Variants in NKAIN2 observed in about 807,000 individuals in gnomAD.
NKAIN2 encodes the protein sodium/potassium transporting ATPase interacting 2.
A neutral mutation model predicts 32.6 loss-of-function variants in NKAIN2; 14 were observed. The observed-to-expected ratio is 0.43, with a 90% CI of 0.28 to 0.67. The LOEUF is 0.67. Ranked by LOEUF, NKAIN2 falls within the 30% of genes least tolerant of loss-of-function variation. NKAIN2 has a pLI of 0.17. For missense variants in NKAIN2, 198 were observed against 258.3 expected (o/e 0.77, Z 1.60); for synonymous variants, 80 against 87.2 (o/e 0.92, Z 0.46).
chr6:123,858,739 A>G (rs971808008), intron 1 of NKAIN2, among the ~76,000 whole-genome samples: 3 of 152,186 alleles, frequency 2.0e-5, no homozygotes, highest in African/African-American at 7.2e-5. Flanking sequence ...AAATAAGTTC[A>G]GCACATTATT....
At chr6:124,360,647 A>G (rs945189960) in intron 3 of NKAIN2, among the ~76,000 whole-genome samples, 1 of 152,182 alleles carries the variant, frequency 6.6e-6, no homozygotes, top group East Asian at 1.9e-4. Flanking sequence ...ATGTTATATC[A>G]TAGTTAAATT....
intron 1 of NKAIN2, among the ~76,000 whole-genome samples, chr6:123,945,168 T>G (rs1277431407): frequency 6.6e-6 from 1 of 152,108 alleles, no homozygotes; most frequent in Non-Finnish European, 1.5e-5. Context: ...ATGACAGTAT[T>G]TTAAACCTAG....
rs2114891116 is a variant in NKAIN2, at chr6:124,824,056, T to G, written c.*827T>G. 6.6e-6 allele frequency: 1 copy of G among 152,294 alleles called. No individual in the cohort carries two copies. The highest frequency in any genetic ancestry group is 1.9e-4 in the East Asian group (1 of 5,184). The allele number at this position is 152,294 out of a possible 1,614,324, so 9.4% of individuals were successfully genotyped here. On this transcript the variant is annotated 3_prime_UTR_variant, in exon 7 of 7. Transcript: ENST00000368417. Reference sequence around the variant, plus strand: ...ATCTGTCATCTTTATAATTCTAAAATATGGTCTTCTGATGGGGTTGGGGGT... The same window carrying G: ...ATCTGTCATCTTTATAATTCTAAAAGATGGTCTTCTGATGGGGTTGGGGGT...
At chr6:124,182,597 A>C (rs1297281340) in intron 1 of NKAIN2, among the ~76,000 whole-genome samples, 1 of 152,216 alleles carries the variant, frequency 6.6e-6, no homozygotes, top group Non-Finnish European at 1.5e-5. Flanking sequence ...TTATTTGGGA[A>C]AATTCAATTC....
At chr6:124,206,531 T>A (rs989451194) in intron 1 of NKAIN2, among the ~76,000 whole-genome samples, 1 of 151,898 alleles carries the variant, frequency 6.6e-6, no homozygotes, top group Non-Finnish European at 1.5e-5. Context: ...AATTTGAAAA[T>A]GCATTTAAAT....
At chr6:124,040,289 C>A (rs1474367186) in intron 1 of NKAIN2, among the ~76,000 whole-genome samples, 3 of 151,548 alleles carry the variant, frequency 2.0e-5, no homozygotes, top group Non-Finnish European at 2.9e-5. Context: ...TCTTTATTCC[C>A]AGGTTTTATC....
intron 1 of NKAIN2, among the ~76,000 whole-genome samples, chr6:123,925,107 A>G (rs1323591615): frequency 6.6e-6 from 1 of 152,166 alleles, no homozygotes; most frequent in Non-Finnish European, 1.5e-5. Flanking sequence ...CCAAGTGGCC[A>G]TGGTTTCTAT....
chr6:124,750,594 T>C (rs1328803957), intron 4 of NKAIN2, among the ~76,000 whole-genome samples: 4 of 152,022 alleles, frequency 2.6e-5, no homozygotes, highest in South Asian at 2.1e-4. Context: ...ATAATACATA[T>C]GCTTCATTTA....
chr6:123,919,635 GTGTGTTATCTCC>G (rs1775657505), intron 1 of NKAIN2, among the ~76,000 whole-genome samples: 2 of 152,090 alleles, frequency 1.3e-5, no homozygotes, highest in African/African-American at 4.8e-5. Context: ...AACCTACATG[GTGTGTTATCTCC>G]TTAAAGGAGA....
At chr6:123,938,063 C>T (rs1031221837) in intron 1 of NKAIN2, among the ~76,000 whole-genome samples, 2 of 143,080 alleles carry the variant, frequency 1.4e-5, no homozygotes, top group African/African-American at 2.6e-5. Flanking sequence ...TAGCAGCCAC[C>T]TACCTCCATC....
chr6:124,079,714 A>C (rs1734798972), intron 1 of NKAIN2, among the ~76,000 whole-genome samples: 1 of 152,134 alleles, frequency 6.6e-6, no homozygotes, highest in Non-Finnish European at 1.5e-5. Flanking sequence ...ATGTAAACAG[A>C]TCACAGGCTG....
intron 1 of NKAIN2, among the ~76,000 whole-genome samples, chr6:123,886,242 C>T (rs941008620): frequency 1.3e-5 from 2 of 151,884 alleles, no homozygotes; most frequent in African/African-American, 4.8e-5. Flanking sequence ...TTTGATAAGG[C>T]TTTTTATTTT....
In NKAIN2 at chr6:124,823,487, G is replaced by A; in HGVS notation, c.*258G>A. 2 of 439,344 alleles carry A rather than the reference G, an allele frequency of 4.6e-6. No individual in the cohort carries two copies. Among genetic ancestry groups the A allele is most frequent in the South Asian group, 4.5e-5 (1 of 22,230 alleles). 27.2% of individuals were successfully genotyped at this position (439,344 alleles called of 1,614,324 possible). ...AGGACACGCCCATCTTGGATTTCCTGAAAGCAGGCCCCTTTCTCCCAGGCC... is the reference window on the plus strand; with the variant it reads ...AGGACACGCCCATCTTGGATTTCCTAAAAGCAGGCCCCTTTCTCCCAGGCC... On this transcript the variant is annotated 3_prime_UTR_variant, in exon 7 of 7. Coordinates refer to ENST00000368417, the MANE Select transcript of NKAIN2 (RefSeq NM_001040214.3).
At chr6:124,206,343 T>C (rs1471481113) in intron 1 of NKAIN2, among the ~76,000 whole-genome samples, 2 of 151,922 alleles carry the variant, frequency 1.3e-5, no homozygotes, top group Non-Finnish European at 2.9e-5. Flanking sequence ...ATTAAGCGCA[T>C]AAAACAAGCC....
intron 4 of NKAIN2, among the ~76,000 whole-genome samples, chr6:124,779,222 C>T (rs111839263): frequency 0.17 from 23,769 of 139,752 alleles, 2,597 homozygotes; most frequent in African/African-American, 0.31. Flanking sequence ...CCAGCCTGGG[C>T]GACAGAGCCA....
chr6:124,757,292 T>C (rs1778010467), intron 4 of NKAIN2, among the ~76,000 whole-genome samples: 1 of 152,176 alleles, frequency 6.6e-6, no homozygotes, highest in South Asian at 2.1e-4. Flanking sequence ...GATATAGATT[T>C]GTTTGGTCAT....
At chr6:124,786,168 G>A (rs1353893403) in intron 4 of NKAIN2, among the ~76,000 whole-genome samples, 1 of 152,012 alleles carries the variant, frequency 6.6e-6, no homozygotes, top group Non-Finnish European at 1.5e-5. Flanking sequence ...AGAGTTATAG[G>A]CTTCTTCAGC....
intron 1 of NKAIN2, among the ~76,000 whole-genome samples, chr6:124,194,681 A>G (rs891255672): frequency 6.6e-6 from 1 of 152,136 alleles, no homozygotes; most frequent in African/African-American, 2.4e-5. Context: ...ATAGTACACG[A>G]TGCTATATTA....
rs1778884595 is a variant in NKAIN2 at position 124,515,708 on chromosome 6, T to TTGTTCCC, written c.274-142477_274-142476insGTTCCCT. 8.7e-4 allele frequency among the ~76,000 whole-genome samples: 3 copies of TTGTTCCC among 3,438 alleles called. 1 individual carries two copies. Among genetic ancestry groups the TTGTTCCC allele is most frequent in the Non-Finnish European group, 0.023 (2 of 88 alleles). 2.3% of individuals were successfully genotyped at this position (3,438 alleles called of 152,430 possible). On this transcript the variant is annotated intron_variant, in intron 3 of 6. Transcript: ENST00000368417. ...ACTTCCCTACTTCATTTTTCTTCGC[T>TTGTTCCC]TTCTCTCCGTCTCGCTCTGTCGCCC...
Sources: gnomAD v4.1 joint callset for allele counts (sites outside exome capture counted in the v4.1 genomes callset) on GRCh38, gnomAD v4.1.1 for gene constraint, MANE v1.5 for transcripts, NCBI Gene and HGNC (gene_info 2026-07-23, HGNC 2026-07-21) for gene names.